The following ADCY1 variants were observed in gnomAD, a reference collection of about 807,000 sequenced individuals.
ADCY1 encodes the protein adenylate cyclase 1.
In ADCY1, 28 loss-of-function variants were observed where a neutral mutation model predicts 105.4. The ratio of observed to expected loss-of-function variants is 0.27; its 90% CI spans 0.20 to 0.36. The LOEUF (loss-of-function observed/expected upper bound fraction) is 0.36, where lower values mean the gene tolerates loss of function less well. Ranked by LOEUF, ADCY1 falls within the 10% of genes least tolerant of loss-of-function variation. The pLI is 1.00. For missense variants in ADCY1, 977 were observed against 1,434.2 expected (o/e 0.68, Z 5.15); for synonymous variants, 655 against 623.8 (o/e 1.05, Z -0.75).
rs1326655286 is a variant in ADCY1, at chr7:45,592,773, C to T, written c.654C>T (p.Ala218=). ...TCTCCCTGCAGCTCGGTGCCAATGC[C>T]TTGCTCTTCGTCGGTGTGAACATGT... ...PRLWRTLGAN[A]LLFVGVNMYG... Residue 218 remains alanine, a synonymous_variant, in exon 2 of 20, where the codon GCC becomes GCT. Coordinates refer to ENST00000297323, the MANE Select transcript of ADCY1 (RefSeq NM_021116.4). 1 of 1,614,214 alleles carries T rather than the reference C, an allele frequency of 6.2e-7. No homozygotes were observed. Among genetic ancestry groups the T allele is most frequent in the East Asian group, 2.2e-5 (1 of 44,882 alleles).
chr7:45,586,649 TAA>T (rs1451914980), intron 1 of ADCY1, among the ~76,000 whole-genome samples: 1 of 152,148 alleles, frequency 6.6e-6, no homozygotes, highest in African/African-American at 2.4e-5. Flanking sequence ...AGCCATGGTT[TAA>T]AGAGAATGAT....
intron 3 of ADCY1, among the ~76,000 whole-genome samples, chr7:45,612,549 G>A (rs779776963): frequency 2.0e-5 from 3 of 152,134 alleles, no homozygotes; most frequent in Non-Finnish European, 2.9e-5. Flanking sequence ...GGAATACCTC[G>A]AGGGGAGCCA....
chr7:45,592,640 G>A (rs1159508459), intron 1 of ADCY1, 119 bp from the exon 2 acceptor site: 1 of 1,402,390 alleles, frequency 7.1e-7, no homozygotes, highest in Non-Finnish European at 9.8e-7. Context: ...CTGCGCTGTG[G>A]GTTTGGCCCG....
At chr7:45,644,911 G>A (rs1016795965) in intron 4 of ADCY1, among the ~76,000 whole-genome samples, 12 of 152,334 alleles carry the variant, frequency 7.9e-5, no homozygotes, top group Non-Finnish European at 1.5e-4. Context: ...TAGTGCCAGC[G>A]TGGTGGAGGT....
At chr7:45,657,080 C>T (rs569633222) in intron 5 of ADCY1, among the ~76,000 whole-genome samples, 12 of 152,372 alleles carry the variant, frequency 7.9e-5, no homozygotes, top group African/African-American at 2.9e-4. Flanking sequence ...TTTTCCCTTC[C>T]CTAATACCCC....
At position 45,591,980 on chromosome 7, in the gene ADCY1, A is replaced by G. The variant is rs1197986914; in HGVS notation, c.640-779A>G. Among the ~76,000 whole-genome samples, 5 of 151,928 alleles carry G rather than the reference A, an allele frequency of 3.3e-5. No homozygotes were observed. Among genetic ancestry groups the G allele is most frequent in the African/African-American group, 1.2e-4 (5 of 41,328 alleles). On this transcript the variant is annotated intron_variant, in intron 1 of 19. Coordinates refer to ENST00000297323, the MANE Select transcript of ADCY1 (RefSeq NM_021116.4). The surrounding 1 kb of genome is among the most constrained non-coding windows in gnomAD (Gnocchi z 4.1). ...GGAGAGTGCAGAGACCGGGCTCTGG[A>G]CACTGCGTTTCCCCATCTTGTGCTG...
intron 1 of ADCY1, 41 bp from the exon 2 acceptor site, chr7:45,592,718 G>GA: frequency 6.2e-7 from 1 of 1,612,614 alleles, no homozygotes; most frequent in South Asian, 1.1e-5. Flanking sequence ...TGTGTGTGTG[G>GA]GATGTCAGGC....
At chr7:45,681,252 A>T (rs7800525) in intron 11 of ADCY1, among the ~76,000 whole-genome samples, 5,585 of 152,264 alleles carry the variant, frequency 0.037, 122 homozygotes, top group East Asian at 0.065. Context: ...AGCTGCCCTC[A>T]TGGCTGGGAA....
chr7:45,650,315 C>T (rs527990334), intron 5 of ADCY1, among the ~76,000 whole-genome samples: 2 of 152,250 alleles, frequency 1.3e-5, no homozygotes, highest in South Asian at 4.1e-4. Context: ...CATCATATCA[C>T]ATTATGTCAT....
At chr7:45,690,579 C>G (rs1300309151) in intron 14 of ADCY1, among the ~76,000 whole-genome samples, 1 of 152,230 alleles carries the variant, frequency 6.6e-6, no homozygotes, top group Non-Finnish European at 1.5e-5. Flanking sequence ...TGGTAGAGTC[C>G]TTGGACTGGC....
chr7:45,583,641 C>T (rs1792628565), intron 1 of ADCY1, among the ~76,000 whole-genome samples: 1 of 151,978 alleles, frequency 6.6e-6, no homozygotes, highest in African/African-American at 2.4e-5. Flanking sequence ...GTGTTCTTTT[C>T]CCCCTTCTTT....
rs745751864 is a variant in ADCY1 at position 45,690,668 on chromosome 7, C to G, written c.2454+3995C>G. ...CCTGGAAGGGAGATCTGGCCAGATA[C>G]AGCACATACCTGCCCTGGAAGGGAG... On this transcript the variant is annotated intron_variant, in intron 14 of 19. Coordinates refer to ENST00000297323, the MANE Select transcript of ADCY1 (RefSeq NM_021116.4). Among the ~76,000 whole-genome samples the G allele has an allele frequency of 5.1e-4, 77 of 152,236 alleles. 1 individual carries two copies. Among genetic ancestry groups the G allele is most frequent in the Admixed American group, 2.5e-3 (38 of 15,294 alleles).
In ADCY1 at chr7:45,686,598, C is replaced by G. The variant is rs148089389; in HGVS notation, c.2379C>G (p.Leu793=). 68 of 1,613,694 alleles carry G rather than the reference C, an allele frequency of 4.2e-5. No homozygotes were observed. The highest frequency in any genetic ancestry group is 5.2e-5 in the Non-Finnish European group (61 of 1,179,786). ...ACGAGCCGATTGTGGCCATCCTGCT[C>G]TTCTCCTGTGCGCTGGCCCTGCATG... ...RSYEPIVAIL[L]FSCALALHAR... The change falls in exon 14 of 20, where the codon CTC becomes CTG. Residue 793 remains leucine, a synonymous_variant. Transcript: ENST00000297323. The surrounding 1 kb of genome is among the most constrained non-coding windows in gnomAD (Gnocchi z 4.3).
At chr7:45,711,644 T>TATATATAC (rs1189707139) in intron 19 of ADCY1, among the ~76,000 whole-genome samples, 92 of 51,404 alleles carry the variant, frequency 1.8e-3, no homozygotes, top group African/African-American at 3.5e-3. Context: ...TATATATATA[T>TATATATAC]ACACACACAC....
At chr7:45,638,499 G>A (rs1030181233) in intron 4 of ADCY1, among the ~76,000 whole-genome samples, 5 of 78,384 alleles carry the variant, frequency 6.4e-5, no homozygotes, top group African/African-American at 2.5e-4. Flanking sequence ...TTTTTTTTTT[G>A]TATTACTTGT....
intron 3 of ADCY1, among the ~76,000 whole-genome samples, chr7:45,621,067 T>C (rs1454029480): frequency 1.3e-5 from 2 of 152,120 alleles, no homozygotes; most frequent in Non-Finnish European, 2.9e-5. Context: ...GTGAGGTTTG[T>C]TCAAATCCTT....
rs552091719 is a variant in ADCY1, at chr7:45,689,868, G to A, written c.2454+3195G>A. 4.1e-4 allele frequency among the ~76,000 whole-genome samples: 62 copies of A among 152,360 alleles called. 1 individual carries two copies. The highest frequency in any genetic ancestry group is 1.4e-3 in the African/African-American group (60 of 41,580). On this transcript the variant is annotated intron_variant, in intron 14 of 19. Transcript: ENST00000297323. ...CGGTTATGGAAGGATGAGGGATGGG[G>A]TTGAGGGGAAAGGGACGAGGAACAT...
In ADCY1 at chr7:45,686,912, T is replaced by C. The variant is rs959572162; in HGVS notation, c.2454+239T>C. ...GTTCAGAAGGTTGTGGGGTGCATGT[T>C]GTGGAGACCTGCCTGATGGTCAGAG... is the stretch of plus-strand genomic sequence containing the variant. On this transcript the variant is annotated intron_variant, in intron 14 of 19. Transcript: ENST00000297323. This position sits in a 1 kb window ranked among gnomAD's most constrained non-coding sequence, Gnocchi z 4.3. Among the ~76,000 whole-genome samples, 2 of 152,118 alleles carry C rather than the reference T, an allele frequency of 1.3e-5. No individual in the cohort carries two copies. The highest frequency in any genetic ancestry group is 1.5e-5 in the Non-Finnish European group (1 of 68,016).
At chr7:45,664,558 A>C in intron 8 of ADCY1, 1 of 1,297,642 alleles carries the variant, frequency 7.7e-7, no homozygotes, top group Non-Finnish European at 1.0e-6. Flanking sequence ...AGAAAATGAA[A>C]AGCATTTATC....
Sources: gnomAD v4.1 joint callset for allele counts (sites outside exome capture counted in the v4.1 genomes callset) on GRCh38, gnomAD v4.1.1 for gene constraint, Gnocchi (gnomAD v3.1) non-coding constraint, MANE v1.5 for transcripts, NCBI Gene and HGNC (gene_info 2026-07-23, HGNC 2026-07-21) for gene names.